The following TMPRSS15 variants were observed in gnomAD, a reference collection of about 807,000 sequenced individuals.
TMPRSS15 encodes the protein enteropeptidase.
Under a neutral mutation model 125.3 loss-of-function variants are expected in TMPRSS15, and 128 were observed. The ratio of observed to expected loss-of-function variants is 1.02; its 90% confidence interval spans 0.89 to 1.18. The LOEUF (loss-of-function observed/expected upper bound fraction) is 1.18, where lower values mean the gene tolerates loss of function less well. Ranked by LOEUF, TMPRSS15 falls within the 50% of genes most tolerant of loss-of-function variation. The pLI, the probability that TMPRSS15 is intolerant of heterozygous loss-of-function variation, is 0.00. For synonymous variants in TMPRSS15, 446 were observed against 423.2 expected, an observed-to-expected ratio of 1.05 and a Z score of -0.66; for missense variants, 1,283 against 1,212.7, an observed-to-expected ratio of 1.06 and a Z score of -0.86.
chr21:18,421,657 T>A (rs1290612658), intron 1 of TMPRSS15, among the ~76,000 whole-genome samples: 1 of 152,216 alleles, frequency 6.6e-6, no homozygotes, highest in Non-Finnish European at 1.5e-5. Context: ...CAATTTCTAT[T>A]CCTTTGTTTG....
rs534921743 is a variant in TMPRSS15, at chr21:18,341,905, T to C, written c.1429-357A>G. ...TATATCATCTGGCAGGAGAAAGCAA[T>C]TTTCTCCCAAATTTCTTCTTTCAGC... is the stretch of plus-strand genomic sequence containing the variant. On this transcript the variant is annotated intron_variant, in intron 12 of 24. Transcript: ENST00000284885. Among the ~76,000 whole-genome samples the C allele has an allele frequency of 5.3e-5, 8 of 152,324 alleles. No homozygotes were observed. The East Asian group carries it at 1.2e-3, about 22-fold the overall frequency.
chr21:18,444,634 A>C (rs561143602), intron 1 of TMPRSS15, among the ~76,000 whole-genome samples: 3 of 152,236 alleles, frequency 2.0e-5, no homozygotes, highest in Admixed American at 2.0e-4. Context: ...AAAGTATAAA[A>C]ATTAAAAAAA....
chr21:18,393,915 T>G (rs1479999036), intron 3 of TMPRSS15, among the ~76,000 whole-genome samples: 8 of 152,214 alleles, frequency 5.3e-5, no homozygotes, highest in Non-Finnish European at 7.4e-5. Flanking sequence ...ATGAGCTCTT[T>G]AATAAAAGAC....
At chr21:18,402,652 C>T (rs994023796) in intron 1 of TMPRSS15, among the ~76,000 whole-genome samples, 1 of 151,520 alleles carries the variant, frequency 6.6e-6, no homozygotes, top group Non-Finnish European at 1.5e-5. Context: ...TATTGCTATG[C>T]TTTCAATTTT....
At chr21:18,466,023 T>C (rs940892852) in intron 1 of TMPRSS15, among the ~76,000 whole-genome samples, 3 of 152,202 alleles carry the variant, frequency 2.0e-5, no homozygotes, top group Non-Finnish European at 4.4e-5. Flanking sequence ...ACTACAAGGC[T>C]ACAGTAACCA....
Position 18,479,897 on chromosome 21 carries a change from C to T in TMPRSS15, c.10+5902G>A, listed in dbSNP as rs187295140. ...GCAATCACATTACTGGGTATATACC[C>T]AAAGGATGATAAATCATTCTACTAC... On this transcript the variant is annotated intron_variant, in intron 1 of 7. Coordinates refer to the TMPRSS15 transcript ENST00000422787. Among the ~76,000 whole-genome samples, 1,319 of 152,106 alleles carry T rather than the reference C, an allele frequency of 8.7e-3. 15 individuals are homozygous for T. Among genetic ancestry groups the T allele is most frequent in the African/African-American group, 0.03 (1,262 of 41,510 alleles).
chr21:18,457,660 G>T (rs1978468646), intron 1 of TMPRSS15, among the ~76,000 whole-genome samples: 1 of 152,100 alleles, frequency 6.6e-6, no homozygotes, highest in Non-Finnish European at 1.5e-5. Flanking sequence ...AGATAAAGCA[G>T]TTGGGCTAAT....
intron 1 of TMPRSS15, among the ~76,000 whole-genome samples, chr21:18,445,221 TTG>T (rs1247127394): frequency 7.3e-6 from 1 of 137,266 alleles, no homozygotes; most frequent in Non-Finnish European, 1.6e-5. Context: ...TTTTTTTTTT[TTG>T]AGACAGAGTT....
In TMPRSS15 at chr21:18,449,881, A is replaced by G. The variant is rs867830316; in HGVS notation, c.10+35918T>C. ...CAAACACACACACACACACACGCAC[A>G]CACACACACACACACACACCTATAT... is the stretch of plus-strand genomic sequence containing the variant. On this transcript the variant is annotated intron_variant, in intron 1 of 7. Coordinates refer to the TMPRSS15 transcript ENST00000422787. Among the ~76,000 whole-genome samples, 690 of 148,592 alleles carry G rather than the reference A, an allele frequency of 4.6e-3. 2 individuals carry two copies. Among genetic ancestry groups the G allele is most frequent in the African/African-American group, 0.011 (435 of 40,772 alleles).
At chr21:18,467,400 TATAATA>T (rs367778639) in intron 1 of TMPRSS15, among the ~76,000 whole-genome samples, 56 of 150,252 alleles carry the variant, frequency 3.7e-4, no homozygotes, top group Non-Finnish European at 6.9e-4. Flanking sequence ...GAATGAAAAG[TATAATA>T]ATAATAATAA....
intron 1 of TMPRSS15, among the ~76,000 whole-genome samples, chr21:18,399,140 CAT>C (rs1234447133): frequency 6.6e-6 from 1 of 151,922 alleles, no homozygotes; most frequent in Non-Finnish European, 1.5e-5. Flanking sequence ...ATAATAATGA[CAT>C]ATAATTCTCA....
intron 1 of TMPRSS15, among the ~76,000 whole-genome samples, chr21:18,456,981 G>T (rs1273401620): frequency 6.6e-6 from 1 of 151,966 alleles, no homozygotes; most frequent in Non-Finnish European, 1.5e-5. Flanking sequence ...AAACATTTAG[G>T]CAATAGAATG....
chr21:18,285,164 T>C (rs1303098194), intron 21 of TMPRSS15, among the ~76,000 whole-genome samples: 1 of 152,132 alleles, frequency 6.6e-6, no homozygotes, highest in Non-Finnish European at 1.5e-5. Flanking sequence ...ACCCCAAAGA[T>C]GCTTCTTTGA....
At position 18,353,772 on chromosome 21, in the gene TMPRSS15, A is replaced by T. The variant is rs1258111272; in HGVS notation, c.972T>A (p.Tyr324Ter). The change falls in exon 9 of 25, where the codon TAT (tyrosine) becomes TAA (stop). Residue 324 changes from tyrosine (Y) to a stop codon, truncating the protein, a stop_gained. Transcript: ENST00000284885. LOFTEE classifies it high-confidence loss of function. Reference protein sequence around the residue: ...TFLIESDESDYVGFNATYTAF... With the variant: ...TFLIESDESD ...CAGTATATGTTGCATTAAAGCCAACATAATCACTTTCATCAGATTCTATAA... is the reference window on the plus strand; with the variant it reads ...CAGTATATGTTGCATTAAAGCCAACTTAATCACTTTCATCAGATTCTATAA... 1 of 1,611,764 alleles carries T rather than the reference A, an allele frequency of 6.2e-7. No individual in the cohort carries two copies. Among genetic ancestry groups the T allele is most frequent in the Non-Finnish European group, 8.5e-7 (1 of 1,178,504 alleles).
At chr21:18,369,066 T>C (rs1468748524) in intron 6 of TMPRSS15, among the ~76,000 whole-genome samples, 1 of 152,096 alleles carries the variant, frequency 6.6e-6, no homozygotes, top group Non-Finnish European at 1.5e-5. Context: ...TATTAGACTG[T>C]GCAGTGCTTT....
intron 1 of TMPRSS15, among the ~76,000 whole-genome samples, chr21:18,479,948 T>G (rs9975797): frequency 6.6e-6 from 1 of 152,058 alleles, no homozygotes; most frequent in East Asian, 1.9e-4. Flanking sequence ...TGTATGTTTA[T>G]TGCAGCACTG....
rs2122911432 is a variant in TMPRSS15 at position 18,465,302 on chromosome 21, T to A, written c.10+20497A>T. ...ATTTATGACAAACCCACAGCCAATA[T>A]CATACAGAGTGGGAAAAAGCTGGAA... is the stretch of plus-strand genomic sequence containing the variant. On this transcript the variant is annotated intron_variant, in intron 1 of 7. Transcript: ENST00000422787. Among the ~76,000 whole-genome samples the A allele has an allele frequency of 1.3e-3, 191 of 152,164 alleles. 2 individuals carry two copies. The highest frequency in any genetic ancestry group is 9.1e-3 in the South Asian group (44 of 4,828).
At chr21:18,274,792 G>A (rs948225922) in intron 24 of TMPRSS15, among the ~76,000 whole-genome samples, 10 of 152,174 alleles carry the variant, frequency 6.6e-5, no homozygotes, top group Admixed American at 1.3e-4. Context: ...GAGGCCCACA[G>A]ACTAAACTGG....
At chr21:18,333,638 C>A (rs1171314391) in intron 13 of TMPRSS15, among the ~76,000 whole-genome samples, 1 of 152,022 alleles carries the variant, frequency 6.6e-6, no homozygotes, top group African/African-American at 2.4e-5. Context: ...AATGAAACTT[C>A]ATTTGCTTAA....
Sources: gnomAD v4.1 joint callset for allele counts (sites outside exome capture counted in the v4.1 genomes callset) on GRCh38, gnomAD v4.1.1 for gene constraint, MANE v1.5 for transcripts, NCBI Gene and HGNC (gene_info 2026-07-23, HGNC 2026-07-21) for gene names.